VAT1L: variants seen among roughly 807,000 people sequenced by gnomAD.
The protein encoded by VAT1L is putative NADPH-dependent quinone oxidoreductase VAT1L.
A neutral mutation model predicts 44.1 loss-of-function variants in VAT1L; 34 were observed. That is an observed-to-expected ratio of 0.77 (90% CI 0.59 to 1.03). VAT1L has a LOEUF of 1.03. Ranked by LOEUF, VAT1L falls within the 50% of genes least tolerant of loss-of-function variation. The probability of loss-of-function intolerance (pLI) is 0.00; values close to 1 mark genes in which losing one functional copy is unlikely to be tolerated. For synonymous variants in VAT1L, 253 were observed against 202.2 expected, an observed-to-expected ratio of 1.25 and a Z score of -2.13; for missense variants, 615 against 538.8, an observed-to-expected ratio of 1.14 and a Z score of -1.40.
intron 3 of VAT1L, among the ~76,000 whole-genome samples, chr16:77,861,402 G>A (rs564716208): frequency 1.3e-5 from 2 of 152,150 alleles, no homozygotes; most frequent in African/African-American, 4.8e-5. Flanking sequence ...ACTGAAAAAC[G>A]ATATGGAAAA....
chr16:77,944,879 A>T (rs2017940073), intron 7 of VAT1L, among the ~76,000 whole-genome samples: 1 of 152,140 alleles, frequency 6.6e-6, no homozygotes, highest in African/African-American at 2.4e-5. Context: ...AAACAGATGG[A>T]AACTTCATGG....
At chr16:77,970,237 C>A (rs557953789) in intron 7 of VAT1L, among the ~76,000 whole-genome samples, 3 of 151,902 alleles carry the variant, frequency 2.0e-5, no homozygotes, top group Admixed American at 6.6e-5. Context: ...CCCTGTCCCC[C>A]CAAAAATGTG....
At chr16:77,903,350 TGC>T (rs2017404533) in intron 7 of VAT1L, among the ~76,000 whole-genome samples, 1 of 152,206 alleles carries the variant, frequency 6.6e-6, no homozygotes, top group Admixed American at 6.5e-5. Flanking sequence ...AAAATGCATT[TGC>T]TTCTTGAAAT....
chr16:77,869,705 C>T (rs2142448253), intron 4 of VAT1L, among the ~76,000 whole-genome samples: 1 of 152,178 alleles, frequency 6.6e-6, no homozygotes, highest in South Asian at 2.1e-4. Context: ...GAGCATTTTC[C>T]AAATGACTGA....
At chr16:77,830,520 G>A (rs2016567716) in intron 3 of VAT1L, among the ~76,000 whole-genome samples, 1 of 152,108 alleles carries the variant, frequency 6.6e-6, no homozygotes, top group South Asian at 2.1e-4. Context: ...CTGTTCTTGT[G>A]ATACGGAGTA....
At chr16:77,940,742 T>C (rs904829536) in intron 7 of VAT1L, among the ~76,000 whole-genome samples, 18 of 152,170 alleles carry the variant, frequency 1.2e-4, no homozygotes, top group African/African-American at 4.3e-4. Flanking sequence ...TTTCTGTCTG[T>C]CTTCAAATTT....
intron 7 of VAT1L, among the ~76,000 whole-genome samples, chr16:77,946,051 C>G (rs548020341): frequency 2.0e-5 from 3 of 152,100 alleles, no homozygotes; most frequent in South Asian, 4.2e-4. Context: ...CTGCCCGTCT[C>G]GGCCTCCCAA....
intron 7 of VAT1L, among the ~76,000 whole-genome samples, chr16:77,948,893 C>G (rs1024365100): frequency 6.6e-6 from 1 of 152,092 alleles, no homozygotes; most frequent in African/African-American, 2.4e-5. Context: ...AGGGACTATT[C>G]CATGGAAAGC....
In VAT1L at chr16:77,884,790, G is replaced by T; in HGVS notation, c.1065G>T (p.Trp355Cys). ...TCAAGCCTGTGGTGGACTCCTTGTG[G>T]GCTCTGGAGGAGGTAAGAATGGTGC... ...KKIKPVVDSL[W>C]ALEEVKEAMQ... Residue 355 changes from tryptophan (W) to cysteine (C), a missense_variant, in exon 7 of 9, where the codon TGG becomes TGT. Coordinates refer to ENST00000302536, the MANE Select transcript of VAT1L (RefSeq NM_020927.3). This position sits in a 1 kb window ranked among gnomAD's most constrained non-coding sequence, Gnocchi z 4.5. 2 of 1,507,446 alleles carry T rather than the reference G, an allele frequency of 1.3e-6. No homozygotes were observed. Among genetic ancestry groups the T allele is most frequent in the Non-Finnish European group, 8.8e-7 (1 of 1,132,496 alleles). The allele number at this position is 1,507,446 out of a possible 1,614,324, so 93.4% of individuals were successfully genotyped here. A position where few individuals can be genotyped will look rare whatever the true frequency, so the allele number is the denominator to read the frequency against.
intron 7 of VAT1L, among the ~76,000 whole-genome samples, chr16:77,941,880 C>A (rs1348717620): frequency 2.6e-5 from 4 of 152,136 alleles, no homozygotes. Context: ...CAAACCACCA[C>A]ACCCAGCCTG....
chr16:77,901,893 G>C (rs1161887117), intron 7 of VAT1L, among the ~76,000 whole-genome samples: 1 of 152,168 alleles, frequency 6.6e-6, no homozygotes, highest in East Asian at 1.9e-4. Flanking sequence ...TATTCTTGCT[G>C]TTTCTCAGGA....
At position 77,793,556 on chromosome 16, in the gene VAT1L, C is replaced by A. The variant is rs183234216; in HGVS notation, c.233+4641C>A. 6.5e-3 allele frequency among the ~76,000 whole-genome samples: 994 copies of A among 152,246 alleles called. 5 individuals are homozygous for A. The highest frequency in any genetic ancestry group is 0.02 in the Middle Eastern group (6 of 294). On this transcript the variant is annotated intron_variant, in intron 1 of 8. Transcript: ENST00000302536. ...CTAGGATTTTAGGCTGGCAGAGGGTCTCCAGGTTGGGCTGCAGGAATGTAT... is the reference window on the plus strand; with the variant it reads ...CTAGGATTTTAGGCTGGCAGAGGGTATCCAGGTTGGGCTGCAGGAATGTAT...
chr16:77,845,193 C>G (rs557594473), intron 3 of VAT1L, among the ~76,000 whole-genome samples: 57 of 151,900 alleles, frequency 3.8e-4, no homozygotes, highest in African/African-American at 1.3e-3. Context: ...GCTGACAGTC[C>G]CCATTCACAC....
chr16:77,961,454 G>C (rs1390902553), intron 7 of VAT1L, among the ~76,000 whole-genome samples: 2 of 152,092 alleles, frequency 1.3e-5, no homozygotes, highest in Admixed American at 6.5e-5. Context: ...TCCAATCTCT[G>C]ATCTACATTT....
chr16:77,794,736 T>A (rs986096151), intron 1 of VAT1L, among the ~76,000 whole-genome samples: 2 of 152,176 alleles, frequency 1.3e-5, no homozygotes, highest in Non-Finnish European at 2.9e-5. Context: ...TGGAATAATG[T>A]GTTCTGAATC....
At chr16:77,838,373 G>C (rs538005927) in intron 3 of VAT1L, among the ~76,000 whole-genome samples, 1 of 152,300 alleles carries the variant, frequency 6.6e-6, no homozygotes, top group African/African-American at 2.4e-5. Context: ...CGTGGTCTCT[G>C]TTCTCACTGA....
At chr16:77,862,693 T>C (rs2016928179) in intron 3 of VAT1L, 55 bp from the exon 4 acceptor site, 4 of 1,530,334 alleles carry the variant, frequency 2.6e-6, no homozygotes, top group Non-Finnish European at 3.5e-6. Flanking sequence ...CCAGCAAGAC[T>C]GGCTATGATC....
chr16:77,868,740 G>A (rs777323514), intron 4 of VAT1L, among the ~76,000 whole-genome samples: 2 of 152,138 alleles, frequency 1.3e-5, no homozygotes, highest in South Asian at 2.1e-4. Flanking sequence ...GAGGTGCTTG[G>A]ATGGTGCTTG....
intron 2 of VAT1L, among the ~76,000 whole-genome samples, chr16:77,817,637 G>A (rs2016379113): frequency 1.3e-5 from 2 of 152,160 alleles, no homozygotes; most frequent in African/African-American, 2.4e-5. Context: ...TAGGGAAATG[G>A]GCAAAAAGGT....
Sources: gnomAD v4.1 joint callset for allele counts (sites outside exome capture counted in the v4.1 genomes callset) on GRCh38, gnomAD v4.1.1 for gene constraint, Gnocchi (gnomAD v3.1) non-coding constraint, MANE v1.5 for transcripts, NCBI Gene and HGNC (gene_info 2026-07-23, HGNC 2026-07-21) for gene names.